The following VSTM2L variants were observed in gnomAD, a reference collection of about 807,000 sequenced individuals.
VSTM2L encodes the protein V-set and transmembrane domain containing 2 like.
Under a neutral mutation model 19.9 loss-of-function variants are expected in VSTM2L, and 9 were observed. The ratio of observed to expected loss-of-function variants is 0.45; its 90% CI spans 0.27 to 0.79. The LOEUF is 0.79. VSTM2L is among the 30% of genes least tolerant of loss of function. The probability of loss-of-function intolerance (pLI) is 0.15; values close to 1 mark genes in which losing one functional copy is unlikely to be tolerated. For missense variants in VSTM2L, 286 were observed against 295.5 expected (o/e 0.97, Z 0.24); for synonymous variants, 127 against 133.8 (o/e 0.95, Z 0.35).
intron 3 of VSTM2L, 83 bp downstream of exon 3, chr20:37,933,672 C>A: frequency 2.2e-6 from 3 of 1,376,530 alleles, no homozygotes; most frequent in Non-Finnish European, 3.1e-6. Context: ...TCCAGTTCAG[C>A]AGGGAGCTTG....
At chr20:37,941,091 G>T (rs2072969334) in intron 3 of VSTM2L, among the ~76,000 whole-genome samples, 1 of 152,202 alleles carries the variant, frequency 6.6e-6, no homozygotes, top group Non-Finnish European at 1.5e-5. Context: ...GTCATGGGGT[G>T]GGTCCCTGCA....
intron 1 of VSTM2L, 46 bp downstream of exon 1, chr20:37,903,517 C>T (rs759233916): frequency 4.2e-6 from 6 of 1,422,992 alleles, no homozygotes; most frequent in East Asian, 6.2e-5. Context: ...CAAACCCCAA[C>T]CCGGGCCGCG....
intron 3 of VSTM2L, among the ~76,000 whole-genome samples, chr20:37,935,358 G>C (rs1189393833): frequency 6.6e-6 from 1 of 152,136 alleles, no homozygotes; most frequent in Non-Finnish European, 1.5e-5. Context: ...CTAATACACA[G>C]GTACTCCCTG....
In VSTM2L at chr20:37,944,247, C is replaced by A; in HGVS notation, c.609C>A (p.Ser203Arg). The change falls in exon 4 of 4, where the codon AGC becomes AGA. Residue 203 changes from serine to arginine, a missense_variant. Transcript: ENST00000373461. ...RKRSVDQEAC[S>R]L ...GCTCGGTGGACCAGGAGGCCTGCAG[C>A]CTCTAGACTGATGCCCCTGCCCCCG... 1.3e-6 allele frequency: 2 copies of A among 1,496,916 alleles called. No homozygotes were observed. Among genetic ancestry groups the A allele is most frequent in the Non-Finnish European group, 1.8e-6 (2 of 1,115,954 alleles). 92.7% of individuals were successfully genotyped at this position (1,496,916 alleles called of 1,614,324 possible).
At chr20:37,926,854 AAC>A (rs1458330295) in intron 1 of VSTM2L, among the ~76,000 whole-genome samples, 3 of 152,248 alleles carry the variant, frequency 2.0e-5, no homozygotes, top group Non-Finnish European at 2.9e-5. Flanking sequence ...TAAGATGTCA[AAC>A]ACATGTGGCC....
At chr20:37,940,164 G>A (rs954409316) in intron 3 of VSTM2L, among the ~76,000 whole-genome samples, 8 of 152,236 alleles carry the variant, frequency 5.3e-5, no homozygotes, top group Non-Finnish European at 1.2e-4. Flanking sequence ...AGCAGATGTT[G>A]AGGTAATTCG....
chr20:37,945,093 G>T lies in VSTM2L; in HGVS notation c.*840G>T. The stretch of plus-strand genomic sequence containing the variant: ...CAAGTCCGCCCCAGGGCCTGGGGCT[G>T]TTGGGAGCCAAGGGCCCCCTGGTAC... On this transcript the variant is annotated 3_prime_UTR_variant, in exon 4 of 4. Transcript: ENST00000373461. 1 of 985,806 alleles carries T rather than the reference G, an allele frequency of 1.0e-6. No homozygotes were observed. Among genetic ancestry groups the T allele is most frequent in the Non-Finnish European group, 1.2e-6 (1 of 829,922 alleles). The allele number at this position is 985,806 out of a possible 1,614,324, so 61.1% of individuals were successfully genotyped here.
chr20:37,910,927 A>AAAAAAG (rs1481118090), intron 1 of VSTM2L, among the ~76,000 whole-genome samples: 1 of 151,184 alleles, frequency 6.6e-6, no homozygotes, highest in African/African-American at 2.4e-5. Flanking sequence ...TTAAAAAAAA[A>AAAAAAG]AAAAAGAAAA....
chr20:37,931,378 T>G (rs1054131821), intron 1 of VSTM2L, among the ~76,000 whole-genome samples: 1 of 152,142 alleles, frequency 6.6e-6, no homozygotes, highest in Non-Finnish European at 1.5e-5. Context: ...GCTGCTGGTG[T>G]GGCTCCAGGG....
In VSTM2L at chr20:37,923,593, A is replaced by G. The variant is rs568937780; in HGVS notation, c.122-8042A>G. On this transcript the variant is annotated intron_variant, in intron 1 of 3. Transcript: ENST00000373461. ...ATCCTTCTCAAAAATCTGTAACTAT[A>G]CCAGCCTCCCTGGGGACTGGCTGCA... Among the ~76,000 whole-genome samples, 5 of 152,204 alleles carry G rather than the reference A, an allele frequency of 3.3e-5. No homozygotes were observed. The East Asian group carries it at 9.7e-4, about 29-fold the overall frequency.
intron 1 of VSTM2L, among the ~76,000 whole-genome samples, chr20:37,905,596 C>T (rs1225780518): frequency 1.3e-5 from 2 of 152,138 alleles, no homozygotes; most frequent in African/African-American, 2.4e-5. Flanking sequence ...CTGAAACCCC[C>T]GTGTGGCTCT....
intron 3 of VSTM2L, among the ~76,000 whole-genome samples, chr20:37,942,553 G>A (rs1166251181): frequency 6.6e-6 from 1 of 152,190 alleles, no homozygotes; most frequent in Non-Finnish European, 1.5e-5. Flanking sequence ...AAAAAGCCAG[G>A]CACAGGAAAG....
At chr20:37,942,520 C>T (rs1391155604) in intron 3 of VSTM2L, among the ~76,000 whole-genome samples, 1 of 152,168 alleles carries the variant, frequency 6.6e-6, no homozygotes, top group Non-Finnish European at 1.5e-5. Flanking sequence ...ATGGAGAAAT[C>T]TCACCGATAA....
chr20:37,943,843 T>C, intron 3 of VSTM2L, 138 bp from the exon 4 acceptor site: 1 of 911,172 alleles, frequency 1.1e-6, no homozygotes, highest in South Asian at 1.9e-5. Flanking sequence ...CTCACTCTTG[T>C]GCAAACCTCG....
At chr20:37,943,560 G>A (rs569586657) in intron 3 of VSTM2L, among the ~76,000 whole-genome samples, 13 of 151,526 alleles carry the variant, frequency 8.6e-5, no homozygotes, top group African/African-American at 2.9e-4. Flanking sequence ...AGGAGGCCCC[G>A]TTGTTCCCTC....
intron 1 of VSTM2L, among the ~76,000 whole-genome samples, chr20:37,926,613 G>A (rs1040771214): frequency 1.3e-5 from 2 of 152,214 alleles, no homozygotes; most frequent in Non-Finnish European, 2.9e-5. Context: ...ACTTTTCATG[G>A]CAAACCTGCA....
At chr20:37,919,663 C>T (rs1000558319) in intron 1 of VSTM2L, among the ~76,000 whole-genome samples, 3 of 152,252 alleles carry the variant, frequency 2.0e-5, no homozygotes, top group African/African-American at 4.8e-5. Flanking sequence ...CACACACACC[C>T]TTGTGGCCTT....
intron 1 of VSTM2L, among the ~76,000 whole-genome samples, chr20:37,923,999 G>T (rs1299016798): frequency 2.0e-5 from 3 of 152,224 alleles, no homozygotes; most frequent in Non-Finnish European, 4.4e-5. Flanking sequence ...TGCTTTGGGA[G>T]GCTGAGGCAG....
intron 1 of VSTM2L, among the ~76,000 whole-genome samples, chr20:37,914,466 ATGTG>A (rs967366583): frequency 2.5e-4 from 1 of 4,054 alleles, no homozygotes; most frequent in Non-Finnish European, 4.6e-4. Context: ...TATTGTGTGT[ATGTG>A]TGTATTTTGT....
Sources: allele counts gnomAD v4.1 joint callset (sites outside exome capture counted in the v4.1 genomes callset), GRCh38; gene constraint gnomAD v4.1.1; transcripts MANE v1.5; gene names NCBI Gene and HGNC (gene_info 2026-07-23, HGNC 2026-07-21).